PATJ: variants seen among roughly 807,000 people sequenced by gnomAD.
The protein encoded by PATJ is inaD-like protein.
Under a neutral mutation model 224.9 loss-of-function variants are expected in PATJ, and 190 were observed. The ratio of observed to expected loss-of-function variants is 0.84; its 90% confidence interval spans 0.75 to 0.95. The LOEUF (loss-of-function observed/expected upper bound fraction) is 0.95. PATJ is among the 40% of genes least tolerant of loss of function. The probability of loss-of-function intolerance (pLI) is 0.00; values close to 1 mark genes in which losing one functional copy is unlikely to be tolerated. For synonymous variants in PATJ, 769 were observed against 820.3 expected (o/e 0.94, Z 1.07); for missense variants, 2,121 against 2,270.3 (o/e 0.93, Z 1.34).
intron 41 of PATJ, among the ~76,000 whole-genome samples, chr1:62,134,330 C>CTT (rs779235130): frequency 0.026 from 2,479 of 96,440 alleles, 104 homozygotes; most frequent in African/African-American, 0.091. Flanking sequence ...CCAGCCCTCT[C>CTT]TTTTTTTTTT....
chr1:62,087,083 G>A lies in PATJ; in HGVS notation c.4377+2435G>A, dbSNP rs76040275. Among the ~76,000 whole-genome samples, 239 of 152,244 alleles carry A rather than the reference G, an allele frequency of 1.6e-3. 6 individuals carry two copies. In the East Asian group the frequency reaches 0.042, roughly 27 times the overall value. ...CAGCCTTTTTTGGGTACCCGCACTC[G>A]GTGAGTCCCAAGCTCCTGTCCGGCG... On this transcript the variant is annotated intron_variant, in intron 33 of 43. Transcript: ENST00000642238.
intron 33 of PATJ, among the ~76,000 whole-genome samples, chr1:62,106,045 T>TA (rs1218285369): frequency 0.011 from 346 of 30,200 alleles, 38 homozygotes; most frequent in African/African-American, 0.057. Flanking sequence ...AGACTCCTCT[T>TA]AAAAAAAAAA....
intron 17 of PATJ, among the ~76,000 whole-genome samples, chr1:61,844,001 G>C (rs2148849689): frequency 6.6e-6 from 1 of 152,298 alleles, no homozygotes; most frequent in Non-Finnish European, 1.5e-5. Flanking sequence ...AGCTAGCAGT[G>C]AACAAATTAG....
At chr1:61,755,666 C>A (rs1645596687) in intron 1 of PATJ, among the ~76,000 whole-genome samples, 2 of 152,138 alleles carry the variant, frequency 1.3e-5, no homozygotes, top group Non-Finnish European at 2.9e-5. Flanking sequence ...ATTAGTCTAT[C>A]TAAATCAGAG....
chr1:62,085,805 C>A (rs1418062889), intron 33 of PATJ, among the ~76,000 whole-genome samples: 1 of 139,080 alleles, frequency 7.2e-6, no homozygotes, highest in African/African-American at 2.8e-5. Flanking sequence ...AGCAACAGAG[C>A]AAGGCCCTGT....
intron 38 of PATJ, among the ~76,000 whole-genome samples, chr1:62,121,651 C>T (rs2148917317): frequency 6.6e-6 from 1 of 152,126 alleles, no homozygotes; most frequent in South Asian, 2.1e-4. Context: ...CGCCTGTAGT[C>T]CCAGCTACTC....
At chr1:61,955,001 C>T (rs979039341) in intron 27 of PATJ, among the ~76,000 whole-genome samples, 1 of 152,174 alleles carries the variant, frequency 6.6e-6, no homozygotes, top group Non-Finnish European at 1.5e-5. Context: ...GATCCTCCAG[C>T]CTCGGCCTCC....
chr1:61,821,126 C>T (rs1657177235), intron 14 of PATJ, among the ~76,000 whole-genome samples: 1 of 151,860 alleles, frequency 6.6e-6, no homozygotes, highest in African/African-American at 2.4e-5. Context: ...CTGCAAGCTC[C>T]ACCTCCCGGG....
intron 30 of PATJ, among the ~76,000 whole-genome samples, chr1:62,041,102 G>A (rs1407702874): frequency 6.6e-6 from 1 of 152,172 alleles, no homozygotes; most frequent in Admixed American, 6.5e-5. Flanking sequence ...GTGGCAACTT[G>A]AGGGAAGGCA....
chr1:61,939,357 G>GACACACAC (rs61115372), intron 27 of PATJ, among the ~76,000 whole-genome samples: 1 of 146,446 alleles, frequency 6.8e-6, no homozygotes, highest in African/African-American at 2.5e-5. Flanking sequence ...TCAGAAGAAA[G>GACACACAC]ACACACACAC....
intron 28 of PATJ, among the ~76,000 whole-genome samples, chr1:62,005,843 G>C (rs1039925615): frequency 3.9e-5 from 6 of 152,214 alleles, no homozygotes; most frequent in African/African-American, 1.4e-4. Context: ...TTTCAACTCA[G>C]TTCTTTAATA....
intron 42 of PATJ, among the ~76,000 whole-genome samples, chr1:62,148,911 G>C (rs1315740183): frequency 6.6e-6 from 1 of 152,062 alleles, no homozygotes; most frequent in East Asian, 1.9e-4. Context: ...TGGATCGCCT[G>C]AGGTCAGGAG....
At chr1:61,771,126 G>T (rs1646580610) in intron 5 of PATJ, among the ~76,000 whole-genome samples, 1 of 152,092 alleles carries the variant, frequency 6.6e-6, no homozygotes, top group Non-Finnish European at 1.5e-5. Flanking sequence ...ATGCAGTAAT[G>T]GAGGCAGTGT....
rs1018180308 is a variant in PATJ at position 61,896,656 on chromosome 1, C to G, written c.3132-2927C>G. On this transcript the variant is annotated intron_variant, in intron 22 of 43. Coordinates refer to ENST00000642238, the MANE Select transcript of PATJ (RefSeq NM_001350145.3). ...AATGATATGGTTTGGCTCCATGTAC[C>G]CACCCAAATTTCATCTCAAATTGTA... 9.9e-5 allele frequency among the ~76,000 whole-genome samples: 15 copies of G among 152,152 alleles called. No individual in the cohort carries two copies. The East Asian group carries it at 2.9e-3, about 29-fold the overall frequency.
chr1:62,079,641 G>A (rs1658929831), intron 32 of PATJ, 74 bp downstream of exon 32: 4 of 940,032 alleles, frequency 4.3e-6, no homozygotes, highest in South Asian at 3.0e-5. Context: ...GTCCTAAAAC[G>A]AGAACTGGAC....
chr1:61,841,507 G>A (rs1055417817), intron 17 of PATJ, among the ~76,000 whole-genome samples: 1 of 151,770 alleles, frequency 6.6e-6, no homozygotes, highest in Admixed American at 6.6e-5. Context: ...ATAAAGGATA[G>A]GCATGTACTA....
At chr1:61,975,752 G>C (rs1644094221) in intron 27 of PATJ, among the ~76,000 whole-genome samples, 1 of 152,004 alleles carries the variant, frequency 6.6e-6, no homozygotes, top group Non-Finnish European at 1.5e-5. Flanking sequence ...AGGAGTTTCA[G>C]GCTTATCGTC....
intron 11 of PATJ, among the ~76,000 whole-genome samples, chr1:61,800,397 T>C (rs1040479772): frequency 2.0e-5 from 3 of 152,198 alleles, no homozygotes; most frequent in Non-Finnish European, 1.5e-5. Flanking sequence ...AAATGTCTGT[T>C]CATGTCTTTT....
chr1:61,781,562 T>C (rs953670420), intron 7 of PATJ, among the ~76,000 whole-genome samples: 10 of 152,242 alleles, frequency 6.6e-5, no homozygotes, highest in Admixed American at 6.5e-5. Flanking sequence ...GGAGAAATTC[T>C]CAGCACACCT....
Sources: allele counts gnomAD v4.1 joint callset (sites outside exome capture counted in the v4.1 genomes callset), GRCh38; gene constraint gnomAD v4.1.1; transcripts MANE v1.5; gene names NCBI Gene and HGNC (gene_info 2026-07-23, HGNC 2026-07-21).